SYNM: variants seen among roughly 807,000 people sequenced by gnomAD.
SYNM encodes the protein synemin, also known as desmuslin.
Under a neutral mutation model 104.0 loss-of-function variants are expected in SYNM, and 95 were observed. The observed-to-expected ratio is 0.91, with a 90% CI of 0.77 to 1.08. SYNM has a LOEUF of 1.08. Among genes scored for constraint, SYNM ranks in the 50% least tolerant of loss-of-function variants. The pLI is 0.00. For missense variants in SYNM, 2,150 were observed against 2,052.2 expected, an observed-to-expected ratio of 1.05 and a Z score of -0.92; for synonymous variants, 918 against 869.0, an observed-to-expected ratio of 1.06 and a Z score of -0.99.
chr15:99,109,043 G>A (rs1555483163), intron 1 of SYNM, among the ~76,000 whole-genome samples: 1 of 152,186 alleles, frequency 6.6e-6, no homozygotes, highest in Non-Finnish European at 1.5e-5. Flanking sequence ...GGAGGCAGCA[G>A]AGGGTGCTGC....
chr15:99,105,558 T>G lies in SYNM; in HGVS notation c.359T>G (p.Leu120Arg). ...GAGCTGGGTGCGCAGCAGCGCGAGC[T>G]GCAGGAGGCGCTGGGCGCGCGCGCC... is the stretch of plus-strand genomic sequence containing the variant. ...DAELGAQQRE[L>R]QEALGARAAL... Residue 120 changes from leucine to arginine, a missense_variant, in exon 1 of 4, where the codon CTG becomes CGG. Physicochemically the swap from Leu to Arg is moderately radical, Grantham distance 102. Coordinates refer to ENST00000336292, the MANE Select transcript of SYNM (RefSeq NM_145728.3). 1.7e-6 allele frequency: 2 copies of G among 1,186,738 alleles called. No individual in the cohort carries two copies. Among genetic ancestry groups the G allele is most frequent in the Non-Finnish European group, 2.1e-6 (2 of 961,890 alleles). The allele number at this position is 1,186,738 out of a possible 1,614,324, so 73.5% of individuals were successfully genotyped here.
intron 2 of SYNM, among the ~76,000 whole-genome samples, chr15:99,121,634 G>T (rs532657298): frequency 6.6e-6 from 1 of 152,324 alleles, no homozygotes; most frequent in South Asian, 2.1e-4. Flanking sequence ...TGAAGACCTG[G>T]TCCAGATCCT....
chr15:99,113,712 A>C lies in SYNM; in HGVS notation c.932A>C (p.Tyr311Ser). The C allele has an allele frequency of 1.2e-6, 2 of 1,613,536 alleles. No individual in the cohort carries two copies. The highest frequency in any genetic ancestry group is 8.5e-7 in the Non-Finnish European group (1 of 1,179,700). ...GGCCTCAGTCTGGAGGTGGCGACCT[A>C]CCGGTAAGGAGACTGTGCTGAGTTG... is the stretch of plus-strand genomic sequence containing the variant. ...KTGLSLEVAT[Y>S]RALLEGESNP... Residue 311 changes from tyrosine to serine, a missense_variant, in exon 2 of 4, where the codon TAC becomes TCC. Tyr to Ser is a moderately radical substitution (Grantham distance 144, BLOSUM62 -2). Coordinates refer to ENST00000336292, the MANE Select transcript of SYNM (RefSeq NM_145728.3).
Position 99,130,286 on chromosome 15 carries a change from C to T in SYNM, c.1926C>T (p.Ile642=), listed in dbSNP as rs369879252. 121 of 1,613,806 alleles carry T rather than the reference C, an allele frequency of 7.5e-5. No individual in the cohort carries two copies. The highest frequency in any genetic ancestry group is 2.9e-4 in the East Asian group (13 of 44,896). ...DSMTETVAEN[I]VTSILKQFTQ... Reference sequence around the variant, plus strand: ...TGACAGAAACCGTAGCAGAAAACATCGTTACCAGTATCCTGAAGCAGTTCA... The same window carrying T: ...TGACAGAAACCGTAGCAGAAAACATTGTTACCAGTATCCTGAAGCAGTTCA... Residue 642 remains isoleucine (I), a synonymous_variant, in exon 4 of 4, where the codon ATC becomes ATT. Coordinates refer to ENST00000336292, the MANE Select transcript of SYNM (RefSeq NM_145728.3).
chr15:99,123,636 G>C lies in SYNM; in HGVS notation c.936-3086G>C, dbSNP rs553053590. 2.0e-5 allele frequency among the ~76,000 whole-genome samples: 3 copies of C among 152,242 alleles called. No individual in the cohort carries two copies. The South Asian group carries it at 6.2e-4, about 31-fold the overall frequency. On this transcript the variant is annotated intron_variant, in intron 2 of 3. Coordinates refer to ENST00000336292, the MANE Select transcript of SYNM (RefSeq NM_145728.3). ...GTGAGGAGTCGAGGGAGGCGGCTCT[G>C]CGGCTCCTTCTCCAGCTCCGGAGCC... is the stretch of plus-strand genomic sequence containing the variant.
At chr15:99,138,049 G>C (rs371393167), downstream of SYNM, 3 of 1,613,928 alleles carry the variant, frequency 1.9e-6, no homozygotes, top group African/African-American at 2.7e-5. Context: ...TCCCCAGCAG[G>C]GTGTCCTGAG....
chr15:99,139,666 A>T, downstream of SYNM: 1 of 1,423,262 alleles, frequency 7.0e-7, no homozygotes, highest in Non-Finnish European at 9.3e-7. Flanking sequence ...TAGTATTTTT[A>T]AAAATAAAGG....
downstream of SYNM, among the ~76,000 whole-genome samples, chr15:99,138,904 G>A (rs1247626081): frequency 1.3e-5 from 2 of 152,214 alleles, no homozygotes; most frequent in African/African-American, 4.8e-5. Flanking sequence ...GCCTCTGCTC[G>A]GGCTGAGAAA....
chr15:99,131,702 A>G lies in SYNM; in HGVS notation c.3342A>G (p.Ser1114=). ...GCAGCCCCACAGGCTTTGCCCAGTC[A>G]CAGGTGCTGGAGGATGTGAGCCAGG... is the stretch of plus-strand genomic sequence containing the variant. ...EVSSPTGFAQ[S]QVLEDVSQAA... The change falls in exon 4 of 4, where the codon TCA becomes TCG. Residue 1114 remains serine (S), a synonymous_variant. Transcript: ENST00000336292. This position sits in a 1 kb window ranked among gnomAD's most constrained non-coding sequence, Gnocchi z 4.3. 6.2e-7 allele frequency: 1 copy of G among 1,613,546 alleles called. No individual in the cohort carries two copies. The highest frequency in any genetic ancestry group is 1.1e-5 in the South Asian group (1 of 91,070).
intron 2 of SYNM, among the ~76,000 whole-genome samples, chr15:99,120,799 A>G (rs2067393147): frequency 6.6e-6 from 1 of 152,158 alleles, no homozygotes; most frequent in South Asian, 2.1e-4. Flanking sequence ...GTCTTGAAAG[A>G]CGGGGAAGTG....
In SYNM at chr15:99,133,023, A is replaced by G. The variant is rs1402938485; in HGVS notation, c.4663A>G (p.Asn1555Asp). The G allele has an allele frequency of 6.2e-7, 1 of 1,613,784 alleles. No homozygotes were observed. The highest frequency in any genetic ancestry group is 1.1e-5 in the South Asian group (1 of 91,062). The change falls in exon 4 of 4, where the codon AAT becomes GAT. Residue 1555 changes from asparagine to aspartate, a missense_variant. Asn to Asp is a conservative substitution (Grantham distance 23). Coordinates refer to ENST00000336292, the MANE Select transcript of SYNM (RefSeq NM_145728.3). Reference sequence around the variant, plus strand: ...GAAAGTTGCCCTCCTCTATCTAGACAATGAGGAGGAGGAGAATGATGGGCA... The same window carrying G: ...GAAAGTTGCCCTCCTCTATCTAGACGATGAGGAGGAGGAGAATGATGGGCA... The part of the protein sequence containing the change: ...EKKVALLYLD[N>D]EEEENDGHWF
intron 2 of SYNM, among the ~76,000 whole-genome samples, chr15:99,125,092 G>A (rs1463784721): frequency 1.3e-5 from 2 of 152,220 alleles, no homozygotes; most frequent in Admixed American, 1.3e-4. Flanking sequence ...CATACCTTCC[G>A]TTCTAACTTG....
intron 1 of SYNM, 115 bp downstream of exon 1, chr15:99,106,124 G>C (rs527496326): frequency 8.6e-7 from 1 of 1,162,200 alleles, no homozygotes; most frequent in East Asian, 3.1e-5. Context: ...TCGCGGACCG[G>C]TAGGGCCCGC....
At chr15:99,137,849 ACGG>A, downstream of SYNM, 1 of 1,159,402 alleles carries the variant, frequency 8.6e-7, no homozygotes, top group African/African-American at 1.5e-5. Flanking sequence ...AATGTGGCCC[ACGG>A]GAGGCTTATG....
rs909259825 is a variant in SYNM, at chr15:99,126,916, A to G, written c.1006+124A>G. On this transcript the variant is annotated intron_variant, in intron 3 of 3. Coordinates refer to ENST00000336292, the MANE Select transcript of SYNM (RefSeq NM_145728.3). ...TATGGTGTTTAGATAACAGGAGTTC[A>G]TCTCTCATTTAAGTACCAAATAGAT... 7 of 772,094 alleles carry G rather than the reference A, an allele frequency of 9.1e-6. No homozygotes were observed. In the South Asian group the frequency reaches 1.6e-4, roughly 18 times the overall value. 47.8% of individuals were successfully genotyped at this position (772,094 alleles called of 1,614,324 possible).
chr15:99,129,895 G>T lies in SYNM; in HGVS notation c.1535G>T (p.Arg512Ile). ...VKATREQERN[R>I]PETIRTKPEE... ...GCCACGAGGGAGCAAGAAAGAAACA[G>T]ACCAGAAACCATCCGAACAAAGCCA... The change falls in exon 4 of 4, where the codon AGA (arginine) becomes ATA (isoleucine). Residue 512 changes from arginine (R) to isoleucine (I), a missense_variant. Coordinates refer to ENST00000336292, the MANE Select transcript of SYNM (RefSeq NM_145728.3). 1.2e-6 allele frequency: 2 copies of T among 1,613,000 alleles called. No homozygotes were observed. The highest frequency in any genetic ancestry group is 2.2e-5 in the East Asian group (1 of 44,846).
Position 99,133,414 on chromosome 15 carries a change from C to A in SYNM, c.*356C>A. On this transcript the variant is annotated 3_prime_UTR_variant, in exon 4 of 4. Transcript: ENST00000336292. ...TTAATTATAGATGTCAAAACATTAA[C>A]CAGATTAAAGTAATATATTTAAGAG... 1 of 243,442 alleles carries A rather than the reference C, an allele frequency of 4.1e-6. No individual in the cohort carries two copies. Among genetic ancestry groups the A allele is most frequent in the South Asian group, 6.3e-5 (1 of 15,900 alleles). The allele number at this position is 243,442 out of a possible 1,614,324, so 15.1% of individuals were successfully genotyped here.
Position 99,105,568 on chromosome 15 carries a change from G to A in SYNM, c.369G>A (p.Ala123=), listed in dbSNP as rs1555482453. The A allele has an allele frequency of 2.6e-6, 3 of 1,167,356 alleles. No individual in the cohort carries two copies. Among genetic ancestry groups the A allele is most frequent in the Non-Finnish European group, 2.1e-6 (2 of 949,630 alleles). The allele number at this position is 1,167,356 out of a possible 1,614,324, so 72.3% of individuals were successfully genotyped here. A position where few individuals can be genotyped will look rare whatever the true frequency, so the allele number is the denominator to read the frequency against. The change falls in exon 1 of 4, where the codon GCG becomes GCA. Residue 123 remains alanine, a synonymous_variant. Transcript: ENST00000336292. ...CGCAGCAGCGCGAGCTGCAGGAGGC[G>A]CTGGGCGCGCGCGCCGCCCTCGAGG... ...LGAQQRELQE[A]LGARAALEAL... is the part of the protein sequence containing the mutation.
At position 99,131,970 on chromosome 15, in the gene SYNM, G is replaced by C. The variant is rs782023943; in HGVS notation, c.3610G>C (p.Glu1204Gln). The C allele has an allele frequency of 2.5e-6, 4 of 1,614,006 alleles. No homozygotes were observed. The South Asian group carries it at 3.3e-5, about 13-fold the overall frequency. Residue 1204 changes from glutamate (E) to glutamine (Q), a missense_variant, in exon 4 of 4, where the codon GAA becomes CAA. By Grantham distance (29) the Glu-to-Gln change is conservative (BLOSUM62 2). Transcript: ENST00000336292. This position sits in a 1 kb window ranked among gnomAD's most constrained non-coding sequence, Gnocchi z 4.3. ...PACPEAWGSP[E>Q]PGPAESSADM... ...CTGTCCAGAGGCATGGGGCTCGCCA[G>C]AACCTGGCCCAGCAGAGTCTTCTGC...
Sources: allele counts gnomAD v4.1 joint callset (sites outside exome capture counted in the v4.1 genomes callset), GRCh38; gene constraint gnomAD v4.1.1; non-coding constraint Gnocchi (gnomAD v3.1); transcripts MANE v1.5; gene names NCBI Gene and HGNC (gene_info 2026-07-23, HGNC 2026-07-21).